Variants in STOX1 observed in about 807,000 individuals in gnomAD.
STOX1 encodes the protein storkhead-box protein 1.
A neutral mutation model predicts 74.8 loss-of-function variants in STOX1; 57 were observed. The observed-to-expected ratio is 0.76, with a 90% CI of 0.62 to 0.95. The LOEUF (loss-of-function observed/expected upper bound fraction) is 0.95. Ranked by LOEUF, STOX1 falls within the 40% of genes least tolerant of loss-of-function variation. The pLI is 0.00. For synonymous variants in STOX1, 375 were observed against 401.3 expected (o/e 0.93, Z 0.78); for missense variants, 1,010 against 1,117.0 (o/e 0.90, Z 1.37).
chr10:68,831,428 C>T (rs577423793), intron 1 of STOX1, among the ~76,000 whole-genome samples: 7 of 152,244 alleles, frequency 4.6e-5, no homozygotes, highest in African/African-American at 9.6e-5. Flanking sequence ...TCAGGTGATC[C>T]GCCCGCCTCG....
chr10:68,882,725 C>A (rs991032045), intron 2 of STOX1, among the ~76,000 whole-genome samples: 23 of 152,160 alleles, frequency 1.5e-4, no homozygotes, highest in African/African-American at 5.6e-4. Context: ...TCTCGAACTC[C>A]TGACCTCATG....
chr10:68,885,382 A>G lies in STOX1; in HGVS notation c.1586A>G (p.Lys529Arg). ...LKPSQTGPKE[K>R]PFQKPRSLDS... is the part of the protein sequence containing the mutation. ...CCCAGCCAGACTGGACCAAAGGAAA[A>G]GCCTTTCCAAAAGCCTAGGTCCTTG... The change falls in exon 3 of 4, where the codon AAG becomes AGG. Residue 529 changes from lysine (K) to arginine (R), a missense_variant. By Grantham distance (26) the Lys-to-Arg change is conservative. Transcript: ENST00000298596. 1.9e-6 allele frequency: 3 copies of G among 1,614,166 alleles called. No homozygotes were observed. Among genetic ancestry groups the G allele is most frequent in the Non-Finnish European group, 2.5e-6 (3 of 1,180,028 alleles).
chr10:68,886,764 T>C (rs1458752968), intron 3 of STOX1, 146 bp downstream of exon 3: 1 of 680,800 alleles, frequency 1.5e-6, no homozygotes, highest in African/African-American at 1.8e-5. Context: ...CCATCTCTAC[T>C]AAAAATACAA....
chr10:68,889,619 A>G (rs1017838550), intron 3 of STOX1, among the ~76,000 whole-genome samples: 2 of 152,176 alleles, frequency 1.3e-5, no homozygotes, highest in African/African-American at 4.8e-5. Flanking sequence ...GCTGGAGTGC[A>G]GTGGTGCGAT....
intron 1 of STOX1, among the ~76,000 whole-genome samples, chr10:68,834,660 C>T (rs1839496154): frequency 6.6e-6 from 1 of 152,180 alleles, no homozygotes; most frequent in Non-Finnish European, 1.5e-5. Flanking sequence ...CAGAAAGTTC[C>T]CTCCTGTCCT....
chr10:68,857,878 G>A (rs1310250705), intron 1 of STOX1, among the ~76,000 whole-genome samples: 1 of 152,132 alleles, frequency 6.6e-6, no homozygotes, highest in Non-Finnish European at 1.5e-5. Flanking sequence ...AGAAAGCCTG[G>A]TAGGAGCAGG....
At chr10:68,881,327 A>G (rs1840808795) in intron 1 of STOX1, among the ~76,000 whole-genome samples, 4 of 152,332 alleles carry the variant, frequency 2.6e-5, no homozygotes, top group African/African-American at 9.6e-5. Context: ...CTATTGAACC[A>G]GGATAACTCT....
At chr10:68,856,620 A>C (rs1840132617) in intron 1 of STOX1, among the ~76,000 whole-genome samples, 1 of 152,092 alleles carries the variant, frequency 6.6e-6, no homozygotes, top group Admixed American at 6.5e-5. Context: ...TAGGAAGGGA[A>C]CTAAGGATTA....
In STOX1 at chr10:68,887,595, C is replaced by CT. The variant is rs71028802; in HGVS notation, c.2822+995dup. On this transcript the variant is annotated intron_variant, in intron 3 of 3. Transcript: ENST00000298596. ...CTGCGCCCAGCCTAATATTTTCTTTCTTTTTTTTTTTTTTTTTTGAGGCAG... is the reference window on the plus strand; with the variant it reads ...CTGCGCCCAGCCTAATATTTTCTTTCTTTTTTTTTTTTTTTTTTTGAGGCAG... Among the ~76,000 whole-genome samples, 245 of 116,418 alleles carry CT rather than the reference C, an allele frequency of 2.1e-3. 2 individuals carry two copies. Among genetic ancestry groups the CT allele is most frequent in the African/African-American group, 6.6e-3 (208 of 31,418 alleles). 76.4% of individuals were successfully genotyped at this position (116,418 alleles called of 152,430 possible). A position where few individuals can be genotyped will look rare whatever the true frequency, so the allele number is the denominator to read the frequency against.
intron 1 of STOX1, among the ~76,000 whole-genome samples, chr10:68,850,545 T>C (rs1839957774): frequency 6.6e-6 from 1 of 152,250 alleles, no homozygotes; most frequent in Admixed American, 6.5e-5. Context: ...CAGGGCACTT[T>C]GCAAAGACAG....
At chr10:68,851,299 T>TAAAAAAAA (rs35166698) in intron 1 of STOX1, among the ~76,000 whole-genome samples, 1 of 108,640 alleles carries the variant, frequency 9.2e-6, no homozygotes, top group Non-Finnish European at 2.0e-5. Flanking sequence ...TGAGACTTTC[T>TAAAAAAAA]AAAAAAAAAA....
intron 1 of STOX1, among the ~76,000 whole-genome samples, chr10:68,871,495 A>G (rs1840535327): frequency 6.6e-6 from 1 of 152,248 alleles, no homozygotes; most frequent in African/African-American, 2.4e-5. Flanking sequence ...TCCCAAGGGA[A>G]GCCTTTAGCT....
At chr10:68,831,081 A>G (rs1012319178) in intron 1 of STOX1, among the ~76,000 whole-genome samples, 1 of 152,182 alleles carries the variant, frequency 6.6e-6, no homozygotes, top group Non-Finnish European at 1.5e-5. Flanking sequence ...GCTGTGGACT[A>G]TTGCAGGTTG....
At chr10:68,880,569 A>T (rs562295898) in intron 1 of STOX1, among the ~76,000 whole-genome samples, 25 of 151,742 alleles carry the variant, frequency 1.6e-4, no homozygotes, top group Non-Finnish European at 2.4e-4. Flanking sequence ...TAAGCATTTG[A>T]TACTGTTGAC....
intron 1 of STOX1, among the ~76,000 whole-genome samples, chr10:68,878,309 G>A (rs1840729184): frequency 6.6e-6 from 1 of 152,116 alleles, no homozygotes; most frequent in African/African-American, 2.4e-5. Flanking sequence ...CTCAGATGAG[G>A]AAGGAAAAAA....
intron 1 of STOX1, among the ~76,000 whole-genome samples, chr10:68,861,901 C>G (rs1018950416): frequency 1.3e-5 from 2 of 152,000 alleles, no homozygotes; most frequent in Non-Finnish European, 2.9e-5. Flanking sequence ...TCTATTCATG[C>G]TCTGATTCAT....
chr10:68,893,056 A>G lies in STOX1; in HGVS notation c.*320A>G, dbSNP rs551481651. On this transcript the variant is annotated 3_prime_UTR_variant, in exon 4 of 4. Transcript: ENST00000298596. ...AGTTTCTCAAATATATAGAATGCCA[A>G]TTTACTTCCTGTAGTGAATTTTTTT... The G allele has an allele frequency of 2.0e-4, 49 of 244,990 alleles. 1 individual carries two copies. In the Admixed American group the frequency reaches 2.2e-3, roughly 11 times the overall value. 15.2% of individuals were successfully genotyped at this position (244,990 alleles called of 1,614,324 possible).
In STOX1 at chr10:68,827,628, C is replaced by T. The variant is rs1219766128; in HGVS notation, c.5C>T (p.Ala2Val). 5.2e-6 allele frequency: 6 copies of T among 1,148,866 alleles called. No homozygotes were observed. Among genetic ancestry groups the T allele is most frequent in the African/African-American group, 4.9e-5 (3 of 60,956 alleles). 71.2% of individuals were successfully genotyped at this position (1,148,866 alleles called of 1,614,324 possible). Reference protein sequence around the residue: MARPVQLAPGSL... With the variant: MVRPVQLAPGSL... ...CTCCCGGCCGCCGGCGAAAGCATGG[C>T]CCGGCCCGTGCAGCTGGCGCCGGGC... The change falls in exon 1 of 4, where the codon GCC becomes GTC. Residue 2 changes from alanine to valine, a missense_variant. Coordinates refer to ENST00000298596, the MANE Select transcript of STOX1 (RefSeq NM_152709.5).
At chr10:68,894,519 G>A (rs1841158710), downstream of STOX1, among the ~76,000 whole-genome samples, 1 of 152,108 alleles carries the variant, frequency 6.6e-6, no homozygotes, top group South Asian at 2.1e-4. Flanking sequence ...GCTTTCAGTG[G>A]ACCCCAACTG....
Sources: allele counts gnomAD v4.1 joint callset (sites outside exome capture counted in the v4.1 genomes callset), GRCh38; gene constraint gnomAD v4.1.1; transcripts MANE v1.5; gene names NCBI Gene and HGNC (gene_info 2026-07-23, HGNC 2026-07-21).